The following AHNAK variants were observed in gnomAD, a reference collection of about 807,000 sequenced individuals.
AHNAK encodes the protein AHNAK nucleoprotein, also known as neuroblast differentiation-associated protein AHNAK.
Under a neutral mutation model 37.8 loss-of-function variants are expected in AHNAK, and 23 were observed. The observed-to-expected ratio is 0.61, with a 90% CI of 0.44 to 0.86. The LOEUF is 0.86. AHNAK is among the 40% of genes least tolerant of loss of function. The pLI is 0.00. For missense variants in AHNAK, 7,411 were observed against 7,319.4 expected (o/e 1.01, Z -0.46); for synonymous variants, 2,481 against 2,636.3 (o/e 0.94, Z 1.80).
intron 4 of AHNAK, 26 bp downstream of exon 4, chr11:62,534,977 C>T: frequency 6.3e-7 from 1 of 1,590,762 alleles, no homozygotes. Context: ...GAGCTCAGGG[C>T]ACAGATGGGC....
rs761190743 is a variant in AHNAK at position 62,491,722 on chromosome 11, C to A, written c.442+10G>T. On this transcript the variant is annotated intron_variant, in intron 5 of 5. Transcript: ENST00000257247. ...GTCATCCGTCTTTCAGTCCCCATCA[C>A]TTCTCTCACCTGCATTTGGGGTGGA... 1.9e-6 allele frequency: 3 copies of A among 1,603,984 alleles called. No individual in the cohort carries two copies. In the Admixed American group the frequency reaches 5.1e-5, roughly 27 times the overall value.
rs558364027 is a variant in AHNAK, at chr11:62,530,582, G to A, written c.3835C>T (p.Pro1279Ser). ...GEGREVDVNL[P>S]KADIDVSGPK... ...CCTGAGACATCAATGTCAGCCTTGG[G>A]CAGGTTCACATCCACTTCTCGGCCC... Residue 1279 changes from proline (P) to serine (S), a missense_variant, in exon 5 of 5, where the codon CCC becomes TCC. Coordinates refer to ENST00000378024, the MANE Select transcript of AHNAK (RefSeq NM_001620.3). The A allele has an allele frequency of 1.2e-5, 20 of 1,612,090 alleles. No individual in the cohort carries two copies. In the South Asian group the frequency reaches 2.0e-4, roughly 16 times the overall value.
In AHNAK at chr11:62,528,460, G is replaced by A. The variant is rs1196901663; in HGVS notation, c.5957C>T (p.Thr1986Ile). Residue 1986 changes from threonine to isoleucine, a missense_variant, in exon 5 of 5, where the codon ACC (threonine) becomes ATC (isoleucine). Transcript: ENST00000378024. ...CACATCAGGCATGGAGATCTTGGGG[G>A]TCTTGAAGTGCATCTCAGGCATCTT... is the stretch of plus-strand genomic sequence containing the variant. ...KFKMPEMHFK[T>I]PKISMPDVDL... 6.2e-7 allele frequency: 1 copy of A among 1,613,532 alleles called. No individual in the cohort carries two copies. Among genetic ancestry groups the A allele is most frequent in the South Asian group, 1.1e-5 (1 of 91,046 alleles).
chr11:62,521,803 C>A lies in AHNAK; in HGVS notation c.12614G>T (p.Gly4205Val). ...KFSMPGFKGE[G>V]PDVDVNLPKA... The stretch of plus-strand genomic sequence containing the variant: ...GGGCAGGTTCACATCCACATCTGGG[C>A]CCTCTCCTTTGAAGCCAGGCATGCT... The change falls in exon 5 of 5, where the codon GGC (glycine) becomes GTC (valine). Residue 4205 changes from glycine (G) to valine (V), a missense_variant. Transcript: ENST00000378024. 1 of 1,613,618 alleles carries A rather than the reference C, an allele frequency of 6.2e-7. No individual in the cohort carries two copies.
intron 3 of AHNAK, among the ~76,000 whole-genome samples, chr11:62,535,647 T>TAA (rs1260048475): frequency 1.2e-4 from 15 of 126,908 alleles, no homozygotes; most frequent in African/African-American, 3.2e-4. Flanking sequence ...AAACTCCATC[T>TAA]AAAAAAAAAA....
chr11:62,500,169 A>T (rs1939686675), intron 4 of AHNAK, among the ~76,000 whole-genome samples: 1 of 152,252 alleles, frequency 6.6e-6, no homozygotes, highest in Non-Finnish European at 1.5e-5. Context: ...CACGCAATTA[A>T]GATGGGAAGG....
At chr11:62,489,986 G>A (rs1939472365) in intron 5 of AHNAK, among the ~76,000 whole-genome samples, 1 of 151,934 alleles carries the variant, frequency 6.6e-6, no homozygotes, top group African/African-American at 2.4e-5. Flanking sequence ...GATTTCCCTG[G>A]GCACTCATAT....
At chr11:62,467,927 C>T (rs1473563905) in intron 5 of AHNAK, among the ~76,000 whole-genome samples, 1 of 152,152 alleles carries the variant, frequency 6.6e-6, no homozygotes, top group Admixed American at 6.6e-5. Context: ...CAAAGTACTT[C>T]CTGAAGCCTT....
rs1301870884 is a variant in AHNAK at position 62,531,963 on chromosome 11, G to A, written c.2454C>T (p.Ile818=). 1 of 1,614,074 alleles carries A rather than the reference G, an allele frequency of 6.2e-7. No individual in the cohort carries two copies. Among genetic ancestry groups the A allele is most frequent in the East Asian group, 2.2e-5 (1 of 44,904 alleles). The change falls in exon 5 of 5, where the codon ATC becomes ATT. Residue 818 remains isoleucine, a synonymous_variant. Coordinates refer to ENST00000378024, the MANE Select transcript of AHNAK (RefSeq NM_001620.3). ...GATGTAAGTCCACATCAGGCATGGA[G>A]ATCTTGGGGACTTTGATGTTCATCT... The part of the protein sequence containing the change: ...MPEMNIKVPK[I]SMPDVDLHLK...
At position 62,477,181 on chromosome 11, in the gene AHNAK, G is replaced by A. The variant is rs537446236; in HGVS notation, c.442+14551C>T. Among the ~76,000 whole-genome samples, 62 of 152,236 alleles carry A rather than the reference G, an allele frequency of 4.1e-4. 1 individual carries two copies. The South Asian group carries it at 7.7e-3, about 19-fold the overall frequency. ...TGCAGAAAATGCTTTCTAAGAGTTC[G>A]TCGAATCCCGAAGCATGGATTTATA... On this transcript the variant is annotated intron_variant, in intron 5 of 5. Transcript: ENST00000257247.
intron 4 of AHNAK, among the ~76,000 whole-genome samples, chr11:62,499,708 G>A (rs1187559622): frequency 6.6e-6 from 1 of 152,222 alleles, no homozygotes; most frequent in Non-Finnish European, 1.5e-5. Context: ...CCTCTGGGAT[G>A]CCAATGAGAC....
intron 5 of AHNAK, among the ~76,000 whole-genome samples, chr11:62,464,292 G>C (rs756148464): frequency 6.7e-6 from 1 of 148,174 alleles, no homozygotes; most frequent in Admixed American, 6.7e-5. Flanking sequence ...TCCTGGGCTA[G>C]AGTGAGCCTC....
chr11:62,517,101 T>G lies in AHNAK; in HGVS notation c.17316A>C (p.Lys5772Asn). Residue 5772 changes from lysine to asparagine, a missense_variant, in exon 5 of 5, where the codon AAA becomes AAC. Physicochemically the swap from Lys to Asn is moderately conservative, Grantham distance 94. Coordinates refer to ENST00000378024, the MANE Select transcript of AHNAK (RefSeq NM_001620.3). ...TTGAGCGGTGCCGTGGCTTCTTACT[T>G]TTAAATAAGGAGAATTTGCCTTTCG... ...SSPKGKFSLF[K>N]SKKPRHRSNS... 2 of 1,613,648 alleles carry G rather than the reference T, an allele frequency of 1.2e-6. No homozygotes were observed. Among genetic ancestry groups the G allele is most frequent in the South Asian group, 2.2e-5 (2 of 91,054 alleles).
intron 5 of AHNAK, among the ~76,000 whole-genome samples, chr11:62,444,942 C>T (rs1938393618): frequency 4.7e-5 from 7 of 149,852 alleles, no homozygotes; most frequent in Admixed American, 4.7e-4. Context: ...TTGCTGGGAC[C>T]AAACGACTCT....
rs747363340 is a variant in AHNAK at position 62,462,830 on chromosome 11, T to C, written c.442+28902A>G. Among the ~76,000 whole-genome samples, 216 of 152,272 alleles carry C rather than the reference T, an allele frequency of 1.4e-3. 1 individual carries two copies. The highest frequency in any genetic ancestry group is 2.2e-3 in the Non-Finnish European group (153 of 68,018). Reference sequence around the variant, plus strand: ...GATGGAGGAGCTTTGTTAATTTAGTTTCAGAAGAGTTGGCTTCAGGCCGGG... The same window carrying C: ...GATGGAGGAGCTTTGTTAATTTAGTCTCAGAAGAGTTGGCTTCAGGCCGGG... On this transcript the variant is annotated intron_variant, in intron 5 of 5. Transcript: ENST00000257247.
Position 62,526,005 on chromosome 11 carries a change from A to G in AHNAK, c.8412T>C (p.Val2804=). 1 of 1,613,662 alleles carries G rather than the reference A, an allele frequency of 6.2e-7. No homozygotes were observed. Among genetic ancestry groups the G allele is most frequent in the Non-Finnish European group, 8.5e-7 (1 of 1,179,920 alleles). Reference sequence around the variant, plus strand: ...CTTCGATATTCACATCGGGACATTCAACATCCACTTTCGGTCCTGAGACAT... The same window carrying G: ...CTTCGATATTCACATCGGGACATTCGACATCCACTTTCGGTCCTGAGACAT... ...DIDVSGPKVD[V]ECPDVNIEGP... The change falls in exon 5 of 5, where the codon GTT becomes GTC. Residue 2804 remains valine (V), a synonymous_variant. Coordinates refer to ENST00000378024, the MANE Select transcript of AHNAK (RefSeq NM_001620.3).
chr11:62,463,883 T>C (rs11821019), intron 5 of AHNAK, among the ~76,000 whole-genome samples: 16,971 of 151,128 alleles, frequency 0.11, 1,504 homozygotes, highest in African/African-American at 0.25. Context: ...CCTGCCTCAG[T>C]CTCCCAAGTA....
In AHNAK at chr11:62,523,134, G is replaced by A. The variant is rs558987797; in HGVS notation, c.11283C>T (p.Gly3761=). The A allele has an allele frequency of 6.2e-6, 10 of 1,612,822 alleles. No homozygotes were observed. In the East Asian group the frequency reaches 8.9e-5, roughly 14 times the overall value. ...DLNLKGPKVK[G]DVDVSLPKME... is the part of the protein sequence containing the mutation. Reference sequence around the variant, plus strand: ...TTTTGGGCAGAGAAACATCCACATCGCCCTTGACTTTGGGGCCCTTCAGGT... The same window carrying A: ...TTTTGGGCAGAGAAACATCCACATCACCCTTGACTTTGGGGCCCTTCAGGT... Residue 3761 remains glycine (G), a synonymous_variant, in exon 5 of 5, where the codon GGC becomes GGT. Transcript: ENST00000378024.
chr11:62,503,998 T>G (rs1416844767), intron 4 of AHNAK, among the ~76,000 whole-genome samples: 1 of 151,920 alleles, frequency 6.6e-6, no homozygotes, highest in Non-Finnish European at 1.5e-5. Flanking sequence ...CCATCTCTAC[T>G]AAAAATACAA....
Sources: gnomAD v4.1 joint callset for allele counts (sites outside exome capture counted in the v4.1 genomes callset) on GRCh38, gnomAD v4.1.1 for gene constraint, MANE v1.5 for transcripts, NCBI Gene and HGNC (gene_info 2026-07-23, HGNC 2026-07-21) for gene names.